PDE11A: variants seen among roughly 807,000 people sequenced by gnomAD.
PDE11A encodes the protein dual 3',5'-cyclic-AMP and -GMP phosphodiesterase 11A.
Under a neutral mutation model 100.5 loss-of-function variants are expected in PDE11A, and 100 were observed. The observed-to-expected ratio is 1.00, with a 90% CI of 0.85 to 1.18. PDE11A has a LOEUF of 1.18. Ranked by LOEUF, PDE11A falls within the 50% of genes most tolerant of loss-of-function variation. PDE11A has a pLI of 0.00. For synonymous variants in PDE11A, 381 were observed against 420.8 expected (o/e 0.91, Z 1.16); for missense variants, 1,141 against 1,152.6 (o/e 0.99, Z 0.15).
At chr2:177,641,545 AC>A (rs2080143712) in intron 19 of PDE11A, among the ~76,000 whole-genome samples, 1 of 152,116 alleles carries the variant, frequency 6.6e-6, no homozygotes, top group African/African-American at 2.4e-5. Flanking sequence ...GAGGCAGCAA[AC>A]AGACTCCTCC....
chr2:177,896,827 A>AGT (rs373407953), intron 4 of PDE11A, among the ~76,000 whole-genome samples: 82 of 151,592 alleles, frequency 5.4e-4, no homozygotes, highest in Admixed American at 1.6e-3. Flanking sequence ...GGCCTATTGG[A>AGT]GTGTGTGTGT....
At chr2:177,731,183 C>T (rs963847735) in intron 10 of PDE11A, among the ~76,000 whole-genome samples, 5 of 152,118 alleles carry the variant, frequency 3.3e-5, no homozygotes, top group African/African-American at 9.7e-5. Flanking sequence ...ATTCATCAAT[C>T]GTTTCATCTC....
intron 2 of PDE11A, among the ~76,000 whole-genome samples, chr2:177,908,719 A>T (rs2084829699): frequency 6.6e-6 from 1 of 152,212 alleles, no homozygotes; most frequent in Non-Finnish European, 1.5e-5. Flanking sequence ...TGTTCCACAC[A>T]TGGCTAGAGA....
upstream of PDE11A, among the ~76,000 whole-genome samples, chr2:178,077,750 CA>C (rs2087226161): frequency 6.6e-6 from 1 of 152,030 alleles, no homozygotes; most frequent in South Asian, 2.1e-4. Context: ...GGTTCTAAAT[CA>C]AGTGACACTT....
intron 2 of PDE11A, among the ~76,000 whole-genome samples, chr2:177,993,198 G>A (rs559930382): frequency 5.3e-5 from 8 of 152,288 alleles, no homozygotes; most frequent in East Asian, 1.9e-4. Context: ...AAACATCTGC[G>A]TGGTAGAGAG....
intron 19 of PDE11A, among the ~76,000 whole-genome samples, chr2:177,651,479 C>G (rs1210362499): frequency 2.0e-5 from 3 of 152,112 alleles, no homozygotes; most frequent in African/African-American, 7.2e-5. Context: ...TGCTTTCAGC[C>G]AAACCTACGA....
intron 2 of PDE11A, among the ~76,000 whole-genome samples, chr2:177,917,551 T>C (rs2084971949): frequency 6.6e-6 from 1 of 152,252 alleles, no homozygotes; most frequent in African/African-American, 2.4e-5. Context: ...CTTACACATA[T>C]TAAATACTAG....
At position 177,626,753 on chromosome 2, in the gene PDE11A, T is replaced by A. The variant is rs1464160591; in HGVS notation, c.*2654A>T. ...AAGGGTAGCTAGGAACATTATTTTTTAGGGCTCTCACTCCTTCCTTCTCCC... is the reference window on the plus strand; with the variant it reads ...AAGGGTAGCTAGGAACATTATTTTTAAGGGCTCTCACTCCTTCCTTCTCCC... On this transcript the variant is annotated 3_prime_UTR_variant, in exon 20 of 20. Coordinates refer to ENST00000286063, the MANE Select transcript of PDE11A (RefSeq NM_016953.4). 1 of 152,312 alleles carries A rather than the reference T, an allele frequency of 6.6e-6. No homozygotes were observed. The highest frequency in any genetic ancestry group is 1.5e-5 in the Non-Finnish European group (1 of 68,078). 9.4% of individuals were successfully genotyped at this position (152,312 alleles called of 1,614,324 possible).
At chr2:178,090,522 C>A (rs917016892) in intron 2 of PDE11A, among the ~76,000 whole-genome samples, 1 of 113,418 alleles carries the variant, frequency 8.8e-6, no homozygotes, top group Non-Finnish European at 2.0e-5. Context: ...TTTCTACTTC[C>A]CATAAGTCAA....
chr2:177,866,491 T>C (rs2084033019), intron 5 of PDE11A, among the ~76,000 whole-genome samples: 1 of 152,248 alleles, frequency 6.6e-6, no homozygotes, highest in African/African-American at 2.4e-5. Flanking sequence ...GATCCTGCTC[T>C]CTTTAGCTTT....
At chr2:177,702,277 T>C (rs2081208289) in intron 13 of PDE11A, among the ~76,000 whole-genome samples, 1 of 151,292 alleles carries the variant, frequency 6.6e-6, no homozygotes, top group African/African-American at 2.4e-5. Context: ...ACCATGCCAT[T>C]GCACCCCAGC....
chr2:177,851,776 A>C (rs1241343622), intron 5 of PDE11A, among the ~76,000 whole-genome samples: 1 of 152,070 alleles, frequency 6.6e-6, no homozygotes, highest in Non-Finnish European at 1.5e-5. Context: ...GTACATGTTC[A>C]GGGCATGCAG....
intron 19 of PDE11A, among the ~76,000 whole-genome samples, chr2:177,661,178 C>A (rs970478159): frequency 6.6e-6 from 1 of 152,200 alleles, no homozygotes; most frequent in Non-Finnish European, 1.5e-5. Flanking sequence ...CATGTGTACT[C>A]CTCGGTATTC....
upstream of PDE11A, among the ~76,000 whole-genome samples, chr2:178,076,114 A>G (rs1002390994): frequency 6.6e-6 from 1 of 152,124 alleles, no homozygotes; most frequent in African/African-American, 2.4e-5. Context: ...CCAGGGCACT[A>G]TCACACGTGA....
At chr2:177,886,945 C>G (rs909018085) in intron 4 of PDE11A, among the ~76,000 whole-genome samples, 4 of 152,156 alleles carry the variant, frequency 2.6e-5, no homozygotes, top group African/African-American at 9.7e-5. Flanking sequence ...TGCTGAACTC[C>G]AAGTCCAGAA....
chr2:177,697,821 C>T (rs148173618), intron 14 of PDE11A, among the ~76,000 whole-genome samples: 36 of 152,288 alleles, frequency 2.4e-4, no homozygotes, highest in African/African-American at 7.5e-4. Flanking sequence ...TTTTCACTAC[C>T]AGTGAAGGTT....
chr2:177,853,164 C>T (rs977205543), intron 5 of PDE11A, among the ~76,000 whole-genome samples: 2 of 151,614 alleles, frequency 1.3e-5, no homozygotes, highest in Non-Finnish European at 2.9e-5. Flanking sequence ...TAATCTTGGT[C>T]CAACATTTCC....
Position 178,062,648 on chromosome 2 carries a change from T to G in PDE11A, c.912+8878A>C, listed in dbSNP as rs2086987518. 2.6e-5 allele frequency among the ~76,000 whole-genome samples: 4 copies of G among 152,238 alleles called. No homozygotes were observed. In the South Asian group the frequency reaches 8.3e-4, roughly 31 times the overall value. ...AACTTTAAATATGTAATCATGCATATTAAGTTGCCAAATACCCATAAAAAC... is the reference window on the plus strand; with the variant it reads ...AACTTTAAATATGTAATCATGCATAGTAAGTTGCCAAATACCCATAAAAAC... On this transcript the variant is annotated intron_variant, in intron 1 of 19. Coordinates refer to ENST00000286063, the MANE Select transcript of PDE11A (RefSeq NM_016953.4).
intron 2 of PDE11A, among the ~76,000 whole-genome samples, chr2:177,945,661 G>A (rs1290177296): frequency 7.9e-5 from 12 of 151,974 alleles, no homozygotes; most frequent in South Asian, 6.2e-4. Context: ...CTCTCCGCCC[G>A]GCAGCCACCC....
Sources: gnomAD v4.1 joint callset for allele counts (sites outside exome capture counted in the v4.1 genomes callset) on GRCh38, gnomAD v4.1.1 for gene constraint, MANE v1.5 for transcripts, NCBI Gene and HGNC (gene_info 2026-07-23, HGNC 2026-07-21) for gene names.